Variants in MOV10 observed in about 807,000 individuals in gnomAD.
MOV10 encodes RNA helicase MOV-10.
Under a neutral mutation model 108.4 loss-of-function variants are expected in MOV10, and 39 were observed. The observed-to-expected ratio is 0.36, with a 90% CI of 0.28 to 0.47. MOV10 has a LOEUF of 0.47. MOV10 is among the 20% of genes least tolerant of loss of function. The probability of loss-of-function intolerance (pLI) is 1.00; values close to 1 mark genes in which losing one functional copy is unlikely to be tolerated. For missense variants in MOV10, 952 were observed against 1,297.6 expected, an observed-to-expected ratio of 0.73 and a Z score of 4.09; for synonymous variants, 490 against 523.1, an observed-to-expected ratio of 0.94 and a Z score of 0.86.
Position 112,691,695 on chromosome 1 carries a change from G to A in MOV10, c.867G>A (p.Met289Ile). The change falls in exon 6 of 21, where the codon ATG becomes ATA. Residue 289 changes from methionine (M) to isoleucine (I), a missense_variant. Physicochemically the swap from Met to Ile is conservative, Grantham distance 10. Around this residue, in one of 5 missense-constraint regions of MOV10, gnomAD observed 374 missense variants for 468.6 expected, o/e 0.80. Coordinates refer to ENST00000369645, the MANE Select transcript of MOV10 (RefSeq NM_001321324.2). ...AGGGCTATGACCTGGAGTTAAGTATGGCGCTGGGGACATACTACCCACCTC... is the reference window on the plus strand; with the variant it reads ...AGGGCTATGACCTGGAGTTAAGTATAGCGCTGGGGACATACTACCCACCTC... Reference protein sequence around the residue: ...RAKGYDLELSMALGTYYPPPR... With the variant: ...RAKGYDLELSIALGTYYPPPR... The A allele has an allele frequency of 6.2e-7, 1 of 1,614,102 alleles. No homozygotes were observed. Among genetic ancestry groups the A allele is most frequent in the Non-Finnish European group, 8.5e-7 (1 of 1,180,022 alleles).
chr1:112,698,347 T>C lies in MOV10; in HGVS notation c.2377T>C (p.Ser793Pro), dbSNP rs1674305576. Residue 793 changes from serine (S) to proline (P), a missense_variant, in exon 16 of 21, where the codon TCC becomes CCC. Transcript: ENST00000369645. ...GKDEREGNSP[S>P]FFNPEEAATV... Reference sequence around the variant, plus strand: ...AGATGAGCGTGAAGGCAACAGCCCATCCTTCTTCAACCCTGAAGAGGCTGC... The same window carrying C: ...AGATGAGCGTGAAGGCAACAGCCCACCCTTCTTCAACCCTGAAGAGGCTGC... 1 of 1,614,058 alleles carries C rather than the reference T, an allele frequency of 6.2e-7. No individual in the cohort carries two copies. Among genetic ancestry groups the C allele is most frequent in the African/African-American group, 1.3e-5 (1 of 74,928 alleles).
chr1:112,692,049 T>A (rs1260015870), intron 6 of MOV10, among the ~76,000 whole-genome samples: 1 of 152,044 alleles, frequency 6.6e-6, no homozygotes, highest in Non-Finnish European at 1.5e-5. Context: ...ACTAAACAGG[T>A]CAGGTGTAAG....
intron 17 of MOV10, 139 bp from the exon 18 acceptor site, chr1:112,699,546 T>C (rs1674440340): frequency 1.3e-6 from 2 of 1,502,666 alleles, no homozygotes; most frequent in Admixed American, 4.7e-5. Flanking sequence ...CCCTGGGCCG[T>C]GTCGCAGCAC....
rs1471730507 is a variant in MOV10, at chr1:112,696,076, T to A, written c.1780-72T>A. On this transcript the variant is annotated intron_variant, in intron 11 of 20. Coordinates refer to ENST00000369645, the MANE Select transcript of MOV10 (RefSeq NM_001321324.2). Reference sequence around the variant, plus strand: ...ATAAAAATAATTGTTTGAGGGGGGGTACCCACAGCCAGAATCACGGTGGGA... The same window carrying A: ...ATAAAAATAATTGTTTGAGGGGGGGAACCCACAGCCAGAATCACGGTGGGA... 1.6e-5 allele frequency: 16 copies of A among 975,336 alleles called. No individual in the cohort carries two copies. In the Admixed American group the frequency reaches 3.0e-4, roughly 19 times the overall value. 60.4% of individuals were successfully genotyped at this position (975,336 alleles called of 1,614,324 possible).
Position 112,699,994 on chromosome 1 carries a change from C to T in MOV10, c.2798+12C>T, listed in dbSNP as rs753270369. On this transcript the variant is annotated intron_variant, in intron 19 of 20. Coordinates refer to ENST00000369645, the MANE Select transcript of MOV10 (RefSeq NM_001321324.2). Reference sequence around the variant, plus strand: ...CCTGACTGGAAAGTGTGAGCATTCCCACCCCATTCTCCCTCTTAGTGGCCA... The same window carrying T: ...CCTGACTGGAAAGTGTGAGCATTCCTACCCCATTCTCCCTCTTAGTGGCCA... 1.2e-6 allele frequency: 2 copies of T among 1,613,810 alleles called. No individual in the cohort carries two copies. Among genetic ancestry groups the T allele is most frequent in the African/African-American group, 2.7e-5 (2 of 74,938 alleles).
Position 112,674,883 on chromosome 1 carries a change from C to A in MOV10, c.-30C>A. Reference sequence around the variant, plus strand: ...GACTTTCAGTTTCATTTCCACGGACCCTCCTGCCTGGGCCGCAGCCGCCGC... The same window carrying A: ...GACTTTCAGTTTCATTTCCACGGACACTCCTGCCTGGGCCGCAGCCGCCGC... On this transcript the variant is annotated 5_prime_UTR_variant, in exon 2 of 21. Coordinates refer to ENST00000369645, the MANE Select transcript of MOV10 (RefSeq NM_001321324.2). 1 of 1,530,722 alleles carries A rather than the reference C, an allele frequency of 6.5e-7. No homozygotes were observed. The allele number at this position is 1,530,722 out of a possible 1,614,324, so 94.8% of individuals were successfully genotyped here.
intron 2 of MOV10, among the ~76,000 whole-genome samples, chr1:112,676,860 C>T (rs768063249): frequency 2.6e-5 from 4 of 152,138 alleles, no homozygotes; most frequent in Non-Finnish European, 5.9e-5. Flanking sequence ...AAAAAGAGGG[C>T]TCAGGGGAGT....
intron 2 of MOV10, among the ~76,000 whole-genome samples, chr1:112,677,143 C>T (rs1429713519): frequency 6.6e-6 from 1 of 152,120 alleles, no homozygotes; most frequent in African/African-American, 2.4e-5. Flanking sequence ...AATTTTAGTA[C>T]ATAGAGGAGG....
chr1:112,699,623 T>A (rs1023977141), intron 17 of MOV10, 62 bp from the exon 18 acceptor site: 1 of 1,607,780 alleles, frequency 6.2e-7, no homozygotes, highest in African/African-American at 1.3e-5. Flanking sequence ...GCAAGCTCCC[T>A]GGGGTAGGGC....
At chr1:112,679,582 A>C (rs1672466695) in intron 2 of MOV10, among the ~76,000 whole-genome samples, 1 of 152,068 alleles carries the variant, frequency 6.6e-6, no homozygotes, top group Non-Finnish European at 1.5e-5. Flanking sequence ...TTCTGCAGAT[A>C]TAGGGGGTGG....
intron 10 of MOV10, among the ~76,000 whole-genome samples, 187 bp downstream of exon 10, chr1:112,695,083 A>G (rs549985779): frequency 3.9e-5 from 6 of 152,102 alleles, no homozygotes; most frequent in Non-Finnish European, 7.3e-5. Context: ...GACTAGCCCA[A>G]GGAGTTCAAG....
intron 2 of MOV10, among the ~76,000 whole-genome samples, chr1:112,682,186 C>T (rs555402609): frequency 6.6e-5 from 10 of 152,200 alleles, no homozygotes; most frequent in Non-Finnish European, 1.0e-4. Context: ...TGAGCCATCG[C>T]GCCCGGCCAT....
Position 112,694,205 on chromosome 1 carries a change from G to A in MOV10, c.1295+33G>A, listed in dbSNP as rs774617646. ...TTGGGGGAACCCTGAGCTGCTGGAA[G>A]GGTCTACAGACTTCTGACCCCAGGG... On this transcript the variant is annotated intron_variant, in intron 8 of 20. Transcript: ENST00000369645. This position sits in a 1 kb window ranked among gnomAD's most constrained non-coding sequence, Gnocchi z 4.1. 6.2e-7 allele frequency: 1 copy of A among 1,613,350 alleles called. No individual in the cohort carries two copies. Among genetic ancestry groups the A allele is most frequent in the Non-Finnish European group, 8.5e-7 (1 of 1,179,410 alleles).
At chr1:112,693,866 GA>G (rs1673819572) in intron 7 of MOV10, 151 bp from the exon 8 acceptor site, 2 of 613,822 alleles carry the variant, frequency 3.3e-6, no homozygotes, top group Admixed American at 5.9e-5. Context: ...GGTATGAAAG[GA>G]AAGAGGGGTG....
In MOV10 at chr1:112,694,799, G is replaced by A. The variant is rs750138719; in HGVS notation, c.1523G>A (p.Arg508Lys). The change falls in exon 10 of 21, where the codon AGG becomes AAG. Residue 508 changes from arginine to lysine, a missense_variant. Around this residue, in one of 5 missense-constraint regions of MOV10, gnomAD observed 453 missense variants for 611.5 expected, o/e 0.74. Transcript: ENST00000369645. The surrounding 1 kb of genome is among the most constrained non-coding windows in gnomAD (Gnocchi z 4.1). ...ESNPEQLQAM[R>K]HIVTGTTRPA... ...AACCCAGAGCAGCTGCAGGCCATGA[G>A]GCACATTGTTACGGGCACCACCCGT... 5 of 1,614,056 alleles carry A rather than the reference G, an allele frequency of 3.1e-6. No individual in the cohort carries two copies. Among genetic ancestry groups the A allele is most frequent in the African/African-American group, 1.3e-5 (1 of 74,914 alleles).
At chr1:112,686,534 A>C (rs1353937261) in intron 2 of MOV10, among the ~76,000 whole-genome samples, 1 of 151,980 alleles carries the variant, frequency 6.6e-6, no homozygotes, top group African/African-American at 2.4e-5. Flanking sequence ...GGAGATTCCT[A>C]CACTTCCTTG....
At chr1:112,681,909 T>C (rs999261397) in intron 2 of MOV10, among the ~76,000 whole-genome samples, 2 of 151,880 alleles carry the variant, frequency 1.3e-5, no homozygotes, top group African/African-American at 4.8e-5. Flanking sequence ...GGTTTTTTTT[T>C]TTTTTTAGAC....
chr1:112,682,160 G>T (rs1261597891), intron 2 of MOV10, among the ~76,000 whole-genome samples: 6 of 152,192 alleles, frequency 3.9e-5, no homozygotes, highest in Non-Finnish European at 7.3e-5. Context: ...CTCCCAAAGT[G>T]CTGGGATTAC....
At chr1:112,695,788 C>A (rs544447108) in intron 11 of MOV10, among the ~76,000 whole-genome samples, 2 of 152,246 alleles carry the variant, frequency 1.3e-5, no homozygotes, top group Middle Eastern at 3.4e-3. Context: ...CACTTGTAAT[C>A]CCAACACTTT....
Sources: allele counts gnomAD v4.1 joint callset (sites outside exome capture counted in the v4.1 genomes callset), GRCh38; gene constraint gnomAD v4.1.1; regional missense constraint gnomAD v4.1.1; non-coding constraint Gnocchi (gnomAD v3.1); transcripts MANE v1.5; gene names NCBI Gene and HGNC (gene_info 2026-07-23, HGNC 2026-07-21).